Variants in DLG2 observed in about 807,000 individuals in gnomAD.
DLG2 encodes disks large homolog 2.
A neutral mutation model predicts 132.5 loss-of-function variants in DLG2; 45 were observed. The ratio of observed to expected loss-of-function variants is 0.34; its 90% CI spans 0.27 to 0.44. The LOEUF (loss-of-function observed/expected upper bound fraction) is 0.44, where lower values mean the gene tolerates loss of function less well. Among genes scored for constraint, DLG2 ranks in the 20% least tolerant of loss-of-function variants. The pLI is 1.00. For missense variants in DLG2, 1,045 were observed against 1,196.9 expected, an observed-to-expected ratio of 0.87 and a Z score of 1.87; for synonymous variants, 424 against 419.6, an observed-to-expected ratio of 1.01 and a Z score of -0.13.
intron 16 of DLG2, among the ~76,000 whole-genome samples, chr11:83,850,202 G>A (rs1374544237): frequency 1.4e-5 from 2 of 145,030 alleles, no homozygotes. Flanking sequence ...CTCCCAGGCT[G>A]GAGTGCAGTG....
intron 17 of DLG2, among the ~76,000 whole-genome samples, chr11:83,795,668 G>A (rs149630380): frequency 3.3e-5 from 5 of 152,082 alleles, no homozygotes; most frequent in African/African-American, 9.6e-5. Flanking sequence ...GTTTTTAAGA[G>A]ATGATCATTA....
intron 6 of DLG2, among the ~76,000 whole-genome samples, chr11:85,017,132 A>T (rs1489890865): frequency 6.6e-6 from 1 of 152,172 alleles, no homozygotes; most frequent in African/African-American, 2.4e-5. Flanking sequence ...CTTTACTGGA[A>T]AAGTGTCCTG....
At chr11:85,428,610 T>A (rs1052625013) in intron 3 of DLG2, among the ~76,000 whole-genome samples, 1 of 152,164 alleles carries the variant, frequency 6.6e-6, no homozygotes, top group Non-Finnish European at 1.5e-5. Flanking sequence ...CCAGAATCTG[T>A]GGGACACATT....
At chr11:84,199,980 C>T (rs1031655554) in intron 8 of DLG2, among the ~76,000 whole-genome samples, 1 of 151,416 alleles carries the variant, frequency 6.6e-6, no homozygotes, top group African/African-American at 2.4e-5. Context: ...GAAAAGTATG[C>T]CAAGAAATAT....
At chr11:84,348,153 T>C (rs1398946181) in intron 7 of DLG2, among the ~76,000 whole-genome samples, 1 of 152,212 alleles carries the variant, frequency 6.6e-6, no homozygotes, top group Non-Finnish European at 1.5e-5. Context: ...TCATTACTTA[T>C]AATATTTGAG....
At chr11:85,138,250 A>C (rs1367699032) in intron 5 of DLG2, among the ~76,000 whole-genome samples, 1 of 152,120 alleles carries the variant, frequency 6.6e-6, no homozygotes, top group Non-Finnish European at 1.5e-5. Context: ...ACAACCTTTG[A>C]AATTTTATAT....
At chr11:83,732,734 T>G (rs2091242326) in intron 18 of DLG2, among the ~76,000 whole-genome samples, 1 of 152,140 alleles carries the variant, frequency 6.6e-6, no homozygotes, top group Non-Finnish European at 1.5e-5. Context: ...CAAGAAAAAA[T>G]GTCTAAAGCT....
At chr11:83,539,311 C>T (rs1008085391) in intron 20 of DLG2, among the ~76,000 whole-genome samples, 1 of 152,070 alleles carries the variant, frequency 6.6e-6, no homozygotes, top group Non-Finnish European at 1.5e-5. Flanking sequence ...TAAAGTCATA[C>T]ACTGATGTTA....
intron 17 of DLG2, among the ~76,000 whole-genome samples, chr11:83,799,456 T>TA (rs1002248276): frequency 6.6e-6 from 1 of 152,154 alleles, no homozygotes; most frequent in African/African-American, 2.4e-5. Flanking sequence ...ATTGAAGTGT[T>TA]ACCAATGATA....
chr11:84,693,331 T>G (rs558547594), intron 6 of DLG2, among the ~76,000 whole-genome samples: 6 of 151,752 alleles, frequency 4.0e-5, no homozygotes, highest in Non-Finnish European at 8.9e-5. Flanking sequence ...ATAGCCATGG[T>G]AGCAGCTGGG....
intron 8 of DLG2, among the ~76,000 whole-genome samples, chr11:84,215,352 G>C (rs2096822350): frequency 6.6e-6 from 1 of 152,124 alleles, no homozygotes; most frequent in Non-Finnish European, 1.5e-5. Context: ...GCGTGTATCT[G>C]TTTCTGGATT....
intron 6 of DLG2, among the ~76,000 whole-genome samples, chr11:84,678,320 G>C (rs912541937): frequency 6.6e-6 from 1 of 152,028 alleles, no homozygotes; most frequent in Non-Finnish European, 1.5e-5. Flanking sequence ...ATCATCAAAA[G>C]CAACAGCAGT....
chr11:84,915,130 T>A (rs2092375144), intron 6 of DLG2, among the ~76,000 whole-genome samples: 1 of 152,218 alleles, frequency 6.6e-6, no homozygotes, highest in Non-Finnish European at 1.5e-5. Flanking sequence ...ATTGAGGTTG[T>A]ATTTTTCTTA....
chr11:85,142,546 G>A (rs994735997), intron 5 of DLG2, among the ~76,000 whole-genome samples: 1 of 151,708 alleles, frequency 6.6e-6, no homozygotes, highest in Non-Finnish European at 1.5e-5. Flanking sequence ...CAATTTGGAT[G>A]CCCTTTATTA....
chr11:85,240,103 G>A (rs1362635400), intron 4 of DLG2, among the ~76,000 whole-genome samples: 1 of 151,804 alleles, frequency 6.6e-6, no homozygotes, highest in Non-Finnish European at 1.5e-5. Context: ...CTATAAAGTG[G>A]CATTCATCTT....
intron 6 of DLG2, among the ~76,000 whole-genome samples, chr11:84,762,456 G>C (rs2067766112): frequency 6.6e-6 from 1 of 152,156 alleles, no homozygotes. Flanking sequence ...TTTCCTAAGA[G>C]GATTTAAAGC....
chr11:84,755,675 G>T (rs953827262), intron 6 of DLG2, among the ~76,000 whole-genome samples: 1 of 152,164 alleles, frequency 6.6e-6, no homozygotes, highest in African/African-American at 2.4e-5. Flanking sequence ...CACCCGCCTC[G>T]GCCTCCCGAA....
rs139050068 is a variant in DLG2 at position 84,585,582 on chromosome 11, C to T, written c.358-50851G>A. 2.0e-5 allele frequency among the ~76,000 whole-genome samples: 3 copies of T among 152,316 alleles called. No homozygotes were observed. In the East Asian group the frequency reaches 5.8e-4, roughly 29 times the overall value. ...TTTTGCAGGAATTGCATTGAATCTA[C>T]AGATCAATTTGGAAGGAATATCTTT... On this transcript the variant is annotated intron_variant, in intron 6 of 27. Transcript: ENST00000376104.
In DLG2 at chr11:85,236,159, A is replaced by G. The variant is rs893768587; in HGVS notation, c.186+49061T>C. On this transcript the variant is annotated intron_variant, in intron 4 of 27. Transcript: ENST00000376104. ...AGATTATTAATCTCACTTTACAAAC[A>G]AAGAAACTGTAGCACAGAGAATTCA... is the stretch of plus-strand genomic sequence containing the variant. Among the ~76,000 whole-genome samples, 4 of 152,034 alleles carry G rather than the reference A, an allele frequency of 2.6e-5. No individual in the cohort carries two copies. In the South Asian group the frequency reaches 6.2e-4, roughly 24 times the overall value.
Sources: allele counts gnomAD v4.1 joint callset (sites outside exome capture counted in the v4.1 genomes callset), GRCh38; gene constraint gnomAD v4.1.1; transcripts MANE v1.5; gene names NCBI Gene and HGNC (gene_info 2026-07-23, HGNC 2026-07-21).